The following PPM1H variants were observed in gnomAD, a reference collection of about 807,000 sequenced individuals.
PPM1H encodes the protein protein phosphatase 1H.
In PPM1H, 27 loss-of-function variants were observed where a neutral mutation model predicts 54.9. The observed-to-expected ratio is 0.49, with a 90% CI of 0.36 to 0.68. The LOEUF (loss-of-function observed/expected upper bound fraction) is 0.68. PPM1H is among the 30% of genes least tolerant of loss of function. The pLI, the probability that PPM1H is intolerant of heterozygous loss-of-function variation, is 0.00. For synonymous variants in PPM1H, 305 were observed against 270.8 expected (o/e 1.13, Z -1.24); for missense variants, 596 against 667.8 (o/e 0.89, Z 1.19).
chr12:62,868,419 G>T (rs551393373), intron 1 of PPM1H, among the ~76,000 whole-genome samples: 3 of 152,264 alleles, frequency 2.0e-5, no homozygotes, highest in African/African-American at 7.2e-5. Context: ...CTCTGCTCTG[G>T]CAGTGAAGAA....
At chr12:62,839,874 C>CAAAAAAAAAAAAAAAAAAAAAA (rs746381032) in intron 1 of PPM1H, among the ~76,000 whole-genome samples, 52 of 84,198 alleles carry the variant, frequency 6.2e-4, no homozygotes, top group African/African-American at 2.6e-3. Flanking sequence ...CCTGTTTCTA[C>CAAAAAAAAAAAAAAAAAAAAAA]AAAAAAAAAA....
At chr12:62,848,063 G>A (rs998972291) in intron 1 of PPM1H, among the ~76,000 whole-genome samples, 1 of 152,176 alleles carries the variant, frequency 6.6e-6, no homozygotes, top group African/African-American at 2.4e-5. Context: ...GCATAAGAGA[G>A]GAAATCATGA....
At chr12:62,879,825 C>T (rs927623470) in intron 1 of PPM1H, among the ~76,000 whole-genome samples, 16 of 151,918 alleles carry the variant, frequency 1.1e-4, no homozygotes, top group African/African-American at 3.9e-4. Flanking sequence ...ACTGGTATTG[C>T]TGGCCAGGCG....
In PPM1H at chr12:62,693,982, T is replaced by C; in HGVS notation, c.1091A>G (p.Glu364Gly). The C allele has an allele frequency of 6.2e-7, 1 of 1,612,950 alleles. No individual in the cohort carries two copies. The highest frequency in any genetic ancestry group is 1.1e-5 in the South Asian group (1 of 90,624). ...NMTGWAYKTI[E>G]DEDLKFPLIY... ...AAGGGGGAACTTCAAGTCCTCATCCTCAATGGTTTTGTATGCCCTGTAGGG... is the reference window on the plus strand; with the variant it reads ...AAGGGGGAACTTCAAGTCCTCATCCCCAATGGTTTTGTATGCCCTGTAGGG... The change falls in exon 7 of 10, where the codon GAG (glutamate) becomes GGG (glycine). Residue 364 changes from glutamate (E) to glycine (G), a missense_variant. This residue lies in a region of PPM1H where 208 missense variants were observed against 259.5 expected (regional missense o/e 0.80). Coordinates refer to ENST00000228705, the MANE Select transcript of PPM1H (RefSeq NM_020700.2).
At chr12:62,868,110 C>A (rs629499) in intron 1 of PPM1H, among the ~76,000 whole-genome samples, 2 of 151,930 alleles carry the variant, frequency 1.3e-5, no homozygotes, top group African/African-American at 4.8e-5. Flanking sequence ...CTGCCCTCCT[C>A]CCCTGGCTTG....
intron 1 of PPM1H, among the ~76,000 whole-genome samples, chr12:62,927,010 T>C (rs1352208212): frequency 6.6e-6 from 1 of 152,226 alleles, no homozygotes; most frequent in East Asian, 1.9e-4. Flanking sequence ...ATCTATAACA[T>C]ATAAGTATAT....
intron 1 of PPM1H, among the ~76,000 whole-genome samples, chr12:62,863,636 G>A (rs767736953): frequency 6.6e-6 from 1 of 152,140 alleles, no homozygotes; most frequent in Non-Finnish European, 1.5e-5. Context: ...TGTTAAGTAA[G>A]AGTTAATCTG....
In PPM1H at chr12:62,824,680, C is replaced by T. The variant is rs1002219651; in HGVS notation, c.411+7434G>A. On this transcript the variant is annotated intron_variant, in intron 2 of 9. Transcript: ENST00000228705. ...ATTCCCTATTTAATAAATGGTGCTG[C>T]GAAAACTGGCTAGCCATATGTAGAA... 3.3e-5 allele frequency among the ~76,000 whole-genome samples: 5 copies of T among 152,080 alleles called. No individual in the cohort carries two copies. In the East Asian group the frequency reaches 5.8e-4, roughly 18 times the overall value.
At chr12:62,710,590 C>T (rs2076201449) in intron 6 of PPM1H, among the ~76,000 whole-genome samples, 1 of 151,206 alleles carries the variant, frequency 6.6e-6, no homozygotes, top group South Asian at 2.1e-4. Flanking sequence ...TCAAATAGTG[C>T]CTGGGACAGA....
At chr12:62,750,895 A>G (rs2076439174) in intron 4 of PPM1H, among the ~76,000 whole-genome samples, 1 of 152,202 alleles carries the variant, frequency 6.6e-6, no homozygotes, top group South Asian at 2.1e-4. Context: ...TTTATTTTTC[A>G]TCTGCATCAG....
chr12:62,901,615 T>TA lies in PPM1H; in HGVS notation c.245+32876dup, dbSNP rs1871165505. 3.3e-5 allele frequency among the ~76,000 whole-genome samples: 5 copies of TA among 152,380 alleles called. No individual in the cohort carries two copies. The South Asian group carries it at 1.0e-3, about 32-fold the overall frequency. The stretch of plus-strand genomic sequence containing the variant: ...ATACACACACACTTGCTGTTAAGGC[T>TA]ATCAAGTTAAATTTAAGAAGCAGAG... On this transcript the variant is annotated intron_variant, in intron 1 of 9. Transcript: ENST00000228705.
At chr12:62,785,861 GAAA>G (rs35904349) in intron 4 of PPM1H, among the ~76,000 whole-genome samples, 27 of 129,440 alleles carry the variant, frequency 2.1e-4, no homozygotes, top group Non-Finnish European at 3.4e-4. Context: ...TAAAAATGAG[GAAA>G]AAAAAAAAAA....
chr12:62,768,638 G>C (rs1439954814), intron 4 of PPM1H, among the ~76,000 whole-genome samples: 1 of 147,360 alleles, frequency 6.8e-6, no homozygotes, highest in African/African-American at 2.6e-5. Flanking sequence ...CTGGGCAACA[G>C]AGTGAGACTC....
intron 1 of PPM1H, among the ~76,000 whole-genome samples, chr12:62,845,601 C>T (rs889255717): frequency 6.6e-6 from 1 of 152,158 alleles, no homozygotes; most frequent in East Asian, 1.9e-4. Flanking sequence ...TACAAGGGAA[C>T]CTCAAGTGCT....
intron 1 of PPM1H, among the ~76,000 whole-genome samples, chr12:62,908,422 A>AAAAAAAAAAAAAAAAAAAAG (rs1284923713): frequency 3.7e-5 from 5 of 134,176 alleles, no homozygotes; most frequent in Non-Finnish European, 7.9e-5. Flanking sequence ...AAAAAAAAAA[A>AAAAAAAAAAAAAAAAAAAAG]AAAGAAAGAA....
intron 1 of PPM1H, among the ~76,000 whole-genome samples, chr12:62,856,136 G>C (rs1869378559): frequency 6.6e-6 from 1 of 152,188 alleles, no homozygotes; most frequent in African/African-American, 2.4e-5. Flanking sequence ...GTGCTGATCA[G>C]AACCTTGGTG....
Position 62,908,932 on chromosome 12 carries a change from A to C in PPM1H, c.245+25560T>G, listed in dbSNP as rs536318525. Among the ~76,000 whole-genome samples the C allele has an allele frequency of 9.0e-4, 137 of 152,234 alleles. 2 individuals are homozygous for C. In the South Asian group the frequency reaches 0.012, roughly 13 times the overall value. On this transcript the variant is annotated intron_variant, in intron 1 of 9. Coordinates refer to ENST00000228705, the MANE Select transcript of PPM1H (RefSeq NM_020700.2). ...ATTAACTATCTGCTTAAAGGGGTGG[A>C]TTTGGGATTGGAACTTGGGCCAATG...
intron 8 of PPM1H, among the ~76,000 whole-genome samples, chr12:62,670,797 A>G (rs934050985): frequency 5.3e-5 from 8 of 152,146 alleles, no homozygotes; most frequent in African/African-American, 1.9e-4. Flanking sequence ...AAATAATAAA[A>G]AGCTGGTCAC....
intron 3 of PPM1H, among the ~76,000 whole-genome samples, chr12:62,797,108 T>C (rs1438974992): frequency 2.0e-5 from 3 of 152,054 alleles, no homozygotes; most frequent in African/African-American, 7.2e-5. Context: ...GACAAACAGA[T>C]GGAGACAGAC....
Sources: gnomAD v4.1 joint callset for allele counts (sites outside exome capture counted in the v4.1 genomes callset) on GRCh38, gnomAD v4.1.1 for gene constraint, gnomAD v4.1.1 regional missense constraint, MANE v1.5 for transcripts, NCBI Gene and HGNC (gene_info 2026-07-23, HGNC 2026-07-21) for gene names.